XDH: variants seen among roughly 807,000 people sequenced by gnomAD.
The protein encoded by XDH is xanthine dehydrogenase/oxidase.
In XDH, 138 loss-of-function variants were observed where a neutral mutation model predicts 156.1. The ratio of observed to expected loss-of-function variants is 0.88; its 90% CI spans 0.77 to 1.02. XDH has a LOEUF of 1.02. XDH is among the 50% of genes least tolerant of loss of function. The pLI, the probability that XDH is intolerant of heterozygous loss-of-function variation, is 0.00. For missense variants in XDH, 1,849 were observed against 1,684.9 expected (o/e 1.10, Z -1.71); for synonymous variants, 669 against 625.7 (o/e 1.07, Z -1.03).
rs1285494406 is a variant in XDH at position 31,366,852 on chromosome 2, G to T, written c.2322+18C>A. On this transcript the variant is annotated intron_variant, in intron 21 of 35. Coordinates refer to ENST00000379416, the MANE Select transcript of XDH (RefSeq NM_000379.4). ...CGCTACCCTGACAGCCCCTTGAGCT[G>T]ACCCAAAAGGCATCTACCTGGGTCT... 1 of 1,613,734 alleles carries T rather than the reference G, an allele frequency of 6.2e-7. No individual in the cohort carries two copies. Among genetic ancestry groups the T allele is most frequent in the Admixed American group, 1.7e-5 (1 of 60,004 alleles).
chr2:31,371,742 A>G (rs1471984458), intron 17 of XDH, among the ~76,000 whole-genome samples: 1 of 152,090 alleles, frequency 6.6e-6, no homozygotes, highest in East Asian at 1.9e-4. Context: ...CTGGTTCACC[A>G]TTCCTGGAGG....
chr2:31,412,604 A>C (rs1042257290), intron 1 of XDH, among the ~76,000 whole-genome samples: 2 of 152,198 alleles, frequency 1.3e-5, no homozygotes, highest in Admixed American at 6.5e-5. Flanking sequence ...CACGTTGTCC[A>C]CATGTACCCT....
intron 1 of XDH, among the ~76,000 whole-genome samples, chr2:31,406,165 T>C (rs957590014): frequency 1.8e-4 from 27 of 152,194 alleles, no homozygotes; most frequent in African/African-American, 6.3e-4. Flanking sequence ...AGCAATATGA[T>C]CATGGGGGCA....
chr2:31,376,055 T>C (rs1200339838), intron 14 of XDH, among the ~76,000 whole-genome samples: 1 of 152,152 alleles, frequency 6.6e-6, no homozygotes. Flanking sequence ...ATAATGTTAG[T>C]GAAGTGTTCG....
intron 24 of XDH, among the ~76,000 whole-genome samples, chr2:31,353,424 A>G (rs1685540089): frequency 6.6e-6 from 1 of 152,226 alleles, no homozygotes; most frequent in African/African-American, 2.4e-5. Flanking sequence ...GTACCACTAA[A>G]AACTCTGGAA....
chr2:31,360,803 T>C (rs569261003), intron 24 of XDH, among the ~76,000 whole-genome samples: 26 of 147,918 alleles, frequency 1.8e-4, no homozygotes, highest in African/African-American at 6.7e-4. Flanking sequence ...AGGTTTCAGG[T>C]GTCCACTAGG....
At chr2:31,356,452 A>C (rs1207293546) in intron 24 of XDH, among the ~76,000 whole-genome samples, 1 of 152,226 alleles carries the variant, frequency 6.6e-6, no homozygotes, top group Non-Finnish European at 1.5e-5. Flanking sequence ...AAATGCAATC[A>C]CATGTCTCTG....
chr2:31,355,790 T>C (rs978907153), intron 24 of XDH, among the ~76,000 whole-genome samples: 8 of 152,168 alleles, frequency 5.3e-5, no homozygotes, highest in African/African-American at 9.7e-5. Flanking sequence ...AATCATTATA[T>C]GATGTATAAA....
At chr2:31,361,311 T>C (rs1477724036) in intron 24 of XDH, among the ~76,000 whole-genome samples, 3 of 152,254 alleles carry the variant, frequency 2.0e-5, no homozygotes, top group Non-Finnish European at 4.4e-5. Flanking sequence ...TAGTAGCTAT[T>C]GGACATAAAA....
At chr2:31,378,131 G>GAAAGAAA (rs1686317083) in intron 13 of XDH, among the ~76,000 whole-genome samples, 4 of 59,982 alleles carry the variant, frequency 6.7e-5, no homozygotes, top group African/African-American at 2.4e-4. Context: ...AGGAAGGAAG[G>GAAAGAAA]AAGGAAGGAA....
intron 31 of XDH, 110 bp downstream of exon 31, chr2:31,344,574 T>G (rs1192416132): frequency 8.1e-7 from 1 of 1,227,978 alleles, no homozygotes; most frequent in Non-Finnish European, 1.2e-6. Flanking sequence ...AAGAGATAAG[T>G]GGAGCTGCTC....
chr2:31,347,821 T>C (rs1426353025), intron 28 of XDH, among the ~76,000 whole-genome samples, 171 bp from the exon 29 acceptor site: 1 of 152,192 alleles, frequency 6.6e-6, no homozygotes, highest in Non-Finnish European at 1.5e-5. Context: ...AAGGAGCACT[T>C]GGTGGAGTTC....
rs1265956308 is a variant in XDH at position 31,350,202 on chromosome 2, G to A, written c.2653C>T (p.His885Tyr). The change falls in exon 25 of 36, where the codon CAC becomes TAC. Residue 885 changes from histidine (H) to tyrosine (Y), a missense_variant. Coordinates refer to ENST00000379416, the MANE Select transcript of XDH (RefSeq NM_000379.4). The part of the protein sequence containing the change: ...SQSIMERALF[H>Y]MDNCYKIPNI... ...GGGATTTTATAGCAGTTGTCCATGT[G>A]GAATAAAGCTCGTTCCATAATCTGA... 3 of 1,614,030 alleles carry A rather than the reference G, an allele frequency of 1.9e-6. No individual in the cohort carries two copies. In the South Asian group the frequency reaches 3.3e-5, roughly 18 times the overall value.
intron 14 of XDH, among the ~76,000 whole-genome samples, chr2:31,376,537 T>C (rs1404638508): frequency 6.7e-6 from 1 of 149,352 alleles, no homozygotes; most frequent in African/African-American, 2.4e-5. Context: ...ACAGCAGTAA[T>C]AGTAGTAGTA....
chr2:31,404,392 A>C (rs1687141750), intron 2 of XDH, among the ~76,000 whole-genome samples: 1 of 152,180 alleles, frequency 6.6e-6, no homozygotes, highest in Admixed American at 6.5e-5. Flanking sequence ...TCTGGAAGCT[A>C]GTGTAAAAGT....
chr2:31,393,447 G>A (rs751566940), intron 6 of XDH, among the ~76,000 whole-genome samples: 8 of 151,960 alleles, frequency 5.3e-5, no homozygotes, highest in Non-Finnish European at 1.2e-4. Flanking sequence ...ACTTTCTTTC[G>A]ATTAGTATAT....
At position 31,414,655 on chromosome 2, in the gene XDH, G is replaced by A; in HGVS notation, c.12C>T (p.Asp4=). Residue 4 remains aspartate (D), a synonymous_variant, in exon 1 of 36, where the codon GAC becomes GAT. Coordinates refer to ENST00000379416, the MANE Select transcript of XDH (RefSeq NM_000379.4). ...TGCCATTCACAAAGAAAACCAATTT[G>A]TCTGCTGTCATTGTCACAGGTTGGG... MTA[D]KLVFFVNGRK... The A allele has an allele frequency of 6.2e-7, 1 of 1,614,078 alleles. No individual in the cohort carries two copies. Among genetic ancestry groups the A allele is most frequent in the South Asian group, 1.1e-5 (1 of 91,076 alleles).
intron 2 of XDH, 96 bp downstream of exon 2, chr2:31,405,811 G>A: frequency 6.9e-7 from 1 of 1,447,712 alleles, no homozygotes; most frequent in South Asian, 1.1e-5. Flanking sequence ...CACACCTCAA[G>A]GCCACCCCAC....
chr2:31,344,646 T>A, intron 31 of XDH, 38 bp downstream of exon 31: 1 of 1,613,370 alleles, frequency 6.2e-7, no homozygotes, highest in African/African-American at 1.3e-5. Context: ...TAGGACGACA[T>A]CACACTATGA....
Sources: gnomAD v4.1 joint callset for allele counts (sites outside exome capture counted in the v4.1 genomes callset) on GRCh38, gnomAD v4.1.1 for gene constraint, MANE v1.5 for transcripts, NCBI Gene and HGNC (gene_info 2026-07-23, HGNC 2026-07-21) for gene names.